The following NCAPG2 variants were observed in gnomAD, a reference collection of about 807,000 sequenced individuals.
NCAPG2 encodes the protein condensin-2 complex subunit G2.
Under a neutral mutation model 141.1 loss-of-function variants are expected in NCAPG2, and 53 were observed. The observed-to-expected ratio is 0.38, with a 90% CI of 0.30 to 0.47. The LOEUF (loss-of-function observed/expected upper bound fraction) is 0.47. Among genes scored for constraint, NCAPG2 ranks in the 20% least tolerant of loss-of-function variants. The pLI, the probability that NCAPG2 is intolerant of heterozygous loss-of-function variation, is 0.99. For missense variants in NCAPG2, 1,087 were observed against 1,389.0 expected (o/e 0.78, Z 3.46); for synonymous variants, 499 against 490.7 (o/e 1.02, Z -0.22).
Position 158,639,850 on chromosome 7 carries a change from CAAATA to C in NCAPG2, c.3380+4434_3380+4438del, listed in dbSNP as rs1275960046. 5.1e-6 allele frequency: 5 copies of C among 976,656 alleles called. 1 individual carries two copies. The African/African-American group carries it at 8.8e-5, about 17-fold the overall frequency. The allele number at this position is 976,656 out of a possible 1,614,324, so 60.5% of individuals were successfully genotyped here. ...ATTTCAAACCTAATGCAAACATTCT[CAAATA>C]AAATATTAGCAAACAGAATTCAAAA... On this transcript the variant is annotated intron_variant, in intron 27 of 27. Transcript: ENST00000356309.
chr7:158,641,250 T>G, intron 27 of NCAPG2: 1 of 365,240 alleles, frequency 2.7e-6, no homozygotes, highest in East Asian at 3.9e-5. Flanking sequence ...GGGGAACAAA[T>G]AGAAGACAAT....
At position 158,694,629 on chromosome 7, in the gene NCAPG2, C is replaced by CA. The variant is rs1363069628; in HGVS notation, c.79-1133dup. Among the ~76,000 whole-genome samples the CA allele has an allele frequency of 2.0e-5, 3 of 152,282 alleles. No individual in the cohort carries two copies. In the East Asian group the frequency reaches 5.8e-4, roughly 29 times the overall value. ...CAGATGCAAATTGAAGGCTATACCA[C>CA]AAAAGAGCCACTTGCACTCTTCAAA... On this transcript the variant is annotated intron_variant, in intron 2 of 27. Transcript: ENST00000356309.
At position 158,686,155 on chromosome 7, in the gene NCAPG2, T is replaced by TA. The variant is rs1834742168; in HGVS notation, c.837+16dup. 4 of 1,470,404 alleles carry TA rather than the reference T, an allele frequency of 2.7e-6. No homozygotes were observed. Among genetic ancestry groups the TA allele is most frequent in the African/African-American group, 1.4e-5 (1 of 69,406 alleles). The allele number at this position is 1,470,404 out of a possible 1,614,324, so 91.1% of individuals were successfully genotyped here. On this transcript the variant is annotated intron_variant, in intron 8 of 27. Transcript: ENST00000356309. ...TATAATAAAAATAAGTGTTAACATT[T>TA]AAAAAAATGAAAATACCTCCAGTAT...
intron 27 of NCAPG2, among the ~76,000 whole-genome samples, chr7:158,636,356 T>C (rs892535619): frequency 1.3e-5 from 2 of 152,094 alleles, no homozygotes; most frequent in Non-Finnish European, 2.9e-5. Context: ...GTATACACTA[T>C]TCTATATCCA....
rs1830944048 is a variant in NCAPG2, at chr7:158,645,536, A to G, written c.3263T>C (p.Ile1088Thr). The G allele has an allele frequency of 6.2e-7, 1 of 1,614,144 alleles. No homozygotes were observed. The highest frequency in any genetic ancestry group is 1.3e-5 in the African/African-American group (1 of 75,074). Residue 1088 changes from isoleucine (I) to threonine (T), a missense_variant, in exon 26 of 28, where the codon ATC (isoleucine) becomes ACC (threonine). Physicochemically the swap from Ile to Thr is moderately conservative, Grantham distance 89. Coordinates refer to ENST00000356309, the MANE Select transcript of NCAPG2 (RefSeq NM_017760.7). ...IVCLTAAVHI[I>T]LVINAGKHKS... ...TAACCAACCTGCATTAATAACCAGG[A>G]TAATATGCACAGCAGCCGTGAGGCA...
At chr7:158,677,360 C>T (rs910896061) in intron 11 of NCAPG2, among the ~76,000 whole-genome samples, 4 of 151,988 alleles carry the variant, frequency 2.6e-5, no homozygotes, top group African/African-American at 9.7e-5. Context: ...TGCTGTTGCA[C>T]TCTGCCCATT....
At chr7:158,696,623 C>G (rs1219387346) in intron 2 of NCAPG2, 1 of 152,290 alleles carries the variant, frequency 6.6e-6, no homozygotes. Flanking sequence ...CAAACCTGGA[C>G]GTAGGGTATT....
intron 27 of NCAPG2, chr7:158,640,052 CA>C (rs58368997): frequency 0.6 from 59,266 of 98,226 alleles, 14,456 homozygotes; most frequent in East Asian, 0.73. Context: ...GAATAAATGC[CA>C]AAAAAAAAAA....
Position 158,690,687 on chromosome 7 carries a change from G to A in NCAPG2, c.418C>T (p.Leu140=). 1 of 1,614,054 alleles carries A rather than the reference G, an allele frequency of 6.2e-7. No individual in the cohort carries two copies. The highest frequency in any genetic ancestry group is 8.5e-7 in the Non-Finnish European group (1 of 1,179,966). The change falls in exon 5 of 28, where the codon CTA becomes TTA. Residue 140 remains leucine (L), a synonymous_variant. Coordinates refer to ENST00000356309, the MANE Select transcript of NCAPG2 (RefSeq NM_017760.7). ...CACAAATCCTGAATAGAACTCTGTA[G>A]TTTTCGTTCAGACTCAGGTAATGCA... ...LYALPESERK[L]QSSIQDLCVT...
At chr7:158,676,531 G>T (rs1057302682) in intron 11 of NCAPG2, among the ~76,000 whole-genome samples, 3 of 134,196 alleles carry the variant, frequency 2.2e-5, no homozygotes, top group African/African-American at 9.0e-5. Flanking sequence ...TGTGATCATG[G>T]CATGATTAAA....
At chr7:158,661,948 T>C (rs1335444434) in intron 16 of NCAPG2, among the ~76,000 whole-genome samples, 5 of 152,076 alleles carry the variant, frequency 3.3e-5, no homozygotes, top group African/African-American at 1.2e-4. Flanking sequence ...GGCAGAAGAA[T>C]CATGTGCTTA....
At chr7:158,662,161 A>G (rs1286129282) in intron 16 of NCAPG2, 33 bp downstream of exon 16, 9 of 1,558,872 alleles carry the variant, frequency 5.8e-6, no homozygotes, top group Non-Finnish European at 7.8e-6. Flanking sequence ...TAACCTTAAT[A>G]TACCTTGCTT....
chr7:158,652,272 G>T, intron 23 of NCAPG2, 21 bp downstream of exon 23: 2 of 1,609,040 alleles, frequency 1.2e-6, no homozygotes, highest in Non-Finnish European at 1.7e-6. Flanking sequence ...AGCGAACCCC[G>T]TCCTGGGGAG....
At chr7:158,649,368 C>G (rs1267029610) in intron 24 of NCAPG2, among the ~76,000 whole-genome samples, 1 of 152,148 alleles carries the variant, frequency 6.6e-6, no homozygotes, top group Non-Finnish European at 1.5e-5. Context: ...ATATTTTCAC[C>G]TTTGTGGGCA....
chr7:158,655,035 T>C (rs1260885374), intron 21 of NCAPG2, 83 bp downstream of exon 21: 10 of 1,451,212 alleles, frequency 6.9e-6, no homozygotes, highest in Non-Finnish European at 7.4e-6. Context: ...TGTCTAAAAT[T>C]ACCACTCTAA....
At chr7:158,662,128 T>C in intron 16 of NCAPG2, 66 bp downstream of exon 16, 1 of 1,440,554 alleles carries the variant, frequency 6.9e-7, no homozygotes, top group Non-Finnish European at 9.3e-7. Context: ...GTTTGAGAAC[T>C]TTTGTTAAAT....
rs114995400 is a variant in NCAPG2 at position 158,644,071 on chromosome 7, T to A, written c.3380+218A>T. On this transcript the variant is annotated intron_variant, in intron 27 of 27. Coordinates refer to ENST00000356309, the MANE Select transcript of NCAPG2 (RefSeq NM_017760.7). ...CCCTCACTTTTCTACAGTAGAATTT[T>A]GCAAATGACACTTTTGTTTTGTTTT... Among the ~76,000 whole-genome samples the A allele has an allele frequency of 7.5e-3, 1,138 of 152,394 alleles. 16 individuals carry two copies. Among genetic ancestry groups the A allele is most frequent in the African/African-American group, 0.026 (1,084 of 41,600 alleles).
chr7:158,699,475 G>T (rs1449163890), intron 2 of NCAPG2, among the ~76,000 whole-genome samples: 1 of 152,170 alleles, frequency 6.6e-6, no homozygotes, highest in South Asian at 2.1e-4. Context: ...TGCACCCACT[G>T]ACTGGAGCCA....
Position 158,662,181 on chromosome 7 carries a change from G to C in NCAPG2, c.1989+13C>G, listed in dbSNP as rs769876802. The C allele has an allele frequency of 1.3e-6, 2 of 1,596,552 alleles. No individual in the cohort carries two copies. Among genetic ancestry groups the C allele is most frequent in the African/African-American group, 1.3e-5 (1 of 74,192 alleles). Reference sequence around the variant, plus strand: ...TTAATATACCTTGCTTACAAGTATAGTTCAAGACTTACCTTAAATACTTTC... The same window carrying C: ...TTAATATACCTTGCTTACAAGTATACTTCAAGACTTACCTTAAATACTTTC... On this transcript the variant is annotated intron_variant, in intron 16 of 27. Coordinates refer to ENST00000356309, the MANE Select transcript of NCAPG2 (RefSeq NM_017760.7).
Sources: gnomAD v4.1 joint callset for allele counts (sites outside exome capture counted in the v4.1 genomes callset) on GRCh38, gnomAD v4.1.1 for gene constraint, MANE v1.5 for transcripts, NCBI Gene and HGNC (gene_info 2026-07-23, HGNC 2026-07-21) for gene names.